The following GCC2 variants were observed in gnomAD, a reference collection of about 807,000 sequenced individuals.
GCC2 encodes GRIP and coiled-coil domain containing 2.
In GCC2, 120 loss-of-function variants were observed where a neutral mutation model predicts 210.6. The observed-to-expected ratio is 0.57, with a 90% CI of 0.49 to 0.66. The LOEUF is 0.66. Among genes scored for constraint, GCC2 ranks in the 30% least tolerant of loss-of-function variants. The pLI, the probability that GCC2 is intolerant of heterozygous loss-of-function variation, is 0.00. For missense variants in GCC2, 1,868 were observed against 1,871.9 expected (o/e 1.00, Z 0.04); for synonymous variants, 703 against 652.7 (o/e 1.08, Z -1.17).
chr2:108,482,247 T>G (rs1035421279), intron 10 of GCC2, 40 bp from the exon 11 acceptor site: 2 of 1,230,886 alleles, frequency 1.6e-6, no homozygotes, highest in Admixed American at 2.0e-5. Context: ...CTGTATATGT[T>G]TTTTGCATGT....
chr2:108,470,736 A>G lies in GCC2; in HGVS notation c.1407A>G (p.Leu469=). The part of the protein sequence containing the change: ...IQGLKEQCEN[L]QQEKQEAILN... ...GTCTTAAGGAACAGTGTGAAAACCT[A>G]CAGCAAGAAAAGCAAGAAGCAATTT... Residue 469 remains leucine, a synonymous_variant, in exon 6 of 23, where the codon CTA becomes CTG. Coordinates refer to ENST00000309863, the MANE Select transcript of GCC2 (RefSeq NM_181453.4). 10 of 1,613,130 alleles carry G rather than the reference A, an allele frequency of 6.2e-6. No individual in the cohort carries two copies. The highest frequency in any genetic ancestry group is 8.5e-6 in the Non-Finnish European group (10 of 1,179,720).
chr2:108,459,780 C>CTTTTTTTTTTTTTTTTTTTTTGTT (rs1390752121), intron 4 of GCC2, among the ~76,000 whole-genome samples: 1 of 38,686 alleles, frequency 2.6e-5, no homozygotes, highest in Non-Finnish European at 5.0e-5. Flanking sequence ...TTTTTTTTTA[C>CTTTTTTTTTTTTTTTTTTTTTGTT]TATTTTTGAC....
intron 4 of GCC2, among the ~76,000 whole-genome samples, chr2:108,461,827 T>TTC (rs1394753783): frequency 9.6e-5 from 13 of 135,462 alleles, no homozygotes; most frequent in Admixed American, 2.1e-4. Flanking sequence ...TCTTTTTTTT[T>TTC]TTCTTTTTCT....
At chr2:108,449,543 A>G in intron 1 of GCC2, 90 bp from the exon 2 acceptor site, 1 of 1,370,302 alleles carries the variant, frequency 7.3e-7, no homozygotes, top group East Asian at 2.3e-5. Flanking sequence ...TTGATTCCAT[A>G]GAAGGTTTTT....
chr2:108,451,843 T>C (rs1374401762), intron 3 of GCC2, among the ~76,000 whole-genome samples: 30 of 57,818 alleles, frequency 5.2e-4, no homozygotes, highest in Non-Finnish European at 8.9e-4. Flanking sequence ...CTCTCTCTCT[T>C]TTTTTTTTTT....
intron 19 of GCC2, among the ~76,000 whole-genome samples, chr2:108,493,129 G>A (rs1199147174): frequency 3.9e-5 from 6 of 152,030 alleles, no homozygotes; most frequent in Non-Finnish European, 7.4e-5. Context: ...TCGCTGTGTC[G>A]CCCAGGCTGG....
intron 4 of GCC2, among the ~76,000 whole-genome samples, chr2:108,459,552 A>G (rs576801255): frequency 6.6e-6 from 1 of 152,110 alleles, no homozygotes; most frequent in African/African-American, 2.4e-5. Flanking sequence ...TTTTCTGTCT[A>G]GATGATCTGT....
intron 17 of GCC2, among the ~76,000 whole-genome samples, chr2:108,488,112 G>C (rs1345137253): frequency 1.3e-5 from 2 of 151,814 alleles, no homozygotes; most frequent in East Asian, 3.9e-4. Context: ...TCACCATGTT[G>C]GCCAGGCTGG....
In GCC2 at chr2:108,478,303, G is replaced by C. The variant is rs3927013; in HGVS notation, c.3060+2453G>C. Among the ~76,000 whole-genome samples, 200 of 151,834 alleles carry C rather than the reference G, an allele frequency of 1.3e-3. 1 individual carries two copies. Among genetic ancestry groups the C allele is most frequent in the African/African-American group, 4.6e-3 (189 of 41,372 alleles). On this transcript the variant is annotated intron_variant, in intron 9 of 22. Coordinates refer to ENST00000309863, the MANE Select transcript of GCC2 (RefSeq NM_181453.4). ...ATTTTCATATGTAATATAAACTTAC[G>C]TATAAAAATGTGACAGGATTTAAGG...
In GCC2 at chr2:108,507,541, T is replaced by TTG. The variant is rs1553445754; in HGVS notation, c.4985-18_4985-17insGT. ...TTTTTCTTTTATTTTTCTTTTTTTT[T>TTG]TTGTTTTACTTTCCAAAGGTGAGGA... On this transcript the variant is annotated intron_variant, in intron 22 of 22. Coordinates refer to ENST00000309863, the MANE Select transcript of GCC2 (RefSeq NM_181453.4). 5.2e-6 allele frequency: 8 copies of TTG among 1,529,318 alleles called. No homozygotes were observed. The highest frequency in any genetic ancestry group is 1.4e-5 in the African/African-American group (1 of 71,846). The allele number at this position is 1,529,318 out of a possible 1,614,324, so 94.7% of individuals were successfully genotyped here.
chr2:108,455,922 C>G (rs1319594008), intron 4 of GCC2, among the ~76,000 whole-genome samples: 1 of 152,186 alleles, frequency 6.6e-6, no homozygotes, highest in Admixed American at 6.5e-5. Context: ...TTTTCAATGA[C>G]TACCAATATT....
rs543253958 is a variant in GCC2, at chr2:108,474,636, G to C, written c.2861-899G>C. On this transcript the variant is annotated intron_variant, in intron 7 of 22. Transcript: ENST00000309863. ...GGTGGTTTAATTTTTTTATTTTAGA[G>C]GGGCAGTGTGGTTTAATTTTTTATT... is the stretch of plus-strand genomic sequence containing the variant. Among the ~76,000 whole-genome samples the C allele has an allele frequency of 1.1e-4, 16 of 152,292 alleles. No individual in the cohort carries two copies. In the South Asian group the frequency reaches 3.3e-3, roughly 32 times the overall value.
intron 7 of GCC2, chr2:108,473,417 G>A (rs758452220): frequency 6.6e-6 from 1 of 152,504 alleles, no homozygotes; most frequent in African/African-American, 2.4e-5. Context: ...GGAAGAGCAG[G>A]TGCTTGTAGG....
intron 22 of GCC2, among the ~76,000 whole-genome samples, chr2:108,502,630 TAAAG>T (rs756336932): frequency 1.6e-4 from 23 of 144,696 alleles, no homozygotes; most frequent in East Asian, 3.9e-4. Flanking sequence ...CATTCTCTCT[TAAAG>T]AGAGAGAATG....
At chr2:108,506,835 A>T (rs1449210488) in intron 22 of GCC2, among the ~76,000 whole-genome samples, 1 of 151,634 alleles carries the variant, frequency 6.6e-6, no homozygotes, top group Non-Finnish European at 1.5e-5. Flanking sequence ...TTGATTCATA[A>T]CATCAAAGTA....
At chr2:108,485,768 C>T in intron 14 of GCC2, 32 bp downstream of exon 14, 10 of 1,452,056 alleles carry the variant, frequency 6.9e-6, no homozygotes, top group Non-Finnish European at 9.5e-6. Context: ...ATATTTAGTA[C>T]TTATTCATAA....
chr2:108,474,549 A>G (rs889502647), intron 7 of GCC2, among the ~76,000 whole-genome samples: 1 of 151,970 alleles, frequency 6.6e-6, no homozygotes, highest in Non-Finnish European at 1.5e-5. Flanking sequence ...TATATAGACA[A>G]CTCTTTTCAA....
intron 13 of GCC2, 110 bp from the exon 14 acceptor site, chr2:108,485,526 G>C (rs893032279): frequency 1.7e-5 from 10 of 604,896 alleles, no homozygotes; most frequent in Non-Finnish European, 2.3e-5. Flanking sequence ...ATAATAAAAA[G>C]CTAAAACAGG....
In GCC2 at chr2:108,484,131, T is replaced by G. The variant is rs771328123; in HGVS notation, c.3451-18T>G. On this transcript the variant is annotated intron_variant, in intron 12 of 22. Coordinates refer to ENST00000309863, the MANE Select transcript of GCC2 (RefSeq NM_181453.4). ...CTGATCTACTATTGTGTAAATCTTT[T>G]ACTTATAAAATGTGCAGGATGCCCA... The G allele has an allele frequency of 1.3e-6, 2 of 1,538,876 alleles. No homozygotes were observed. The highest frequency in any genetic ancestry group is 4.6e-5 in the East Asian group (2 of 43,774).
Sources: allele counts gnomAD v4.1 joint callset (sites outside exome capture counted in the v4.1 genomes callset), GRCh38; gene constraint gnomAD v4.1.1; transcripts MANE v1.5; gene names NCBI Gene and HGNC (gene_info 2026-07-23, HGNC 2026-07-21).